ADAMTS19: variants seen among roughly 807,000 people sequenced by gnomAD.
ADAMTS19 encodes ADAM metallopeptidase with thrombospondin type 1 motif 19.
In ADAMTS19, 93 loss-of-function variants were observed where a neutral mutation model predicts 153.3. The observed-to-expected ratio is 0.61, with a 90% CI of 0.51 to 0.72. The LOEUF is 0.72. Among genes scored for constraint, ADAMTS19 ranks in the 30% least tolerant of loss-of-function variants. The probability of loss-of-function intolerance (pLI) is 0.00; values close to 1 mark genes in which losing one functional copy is unlikely to be tolerated. For synonymous variants in ADAMTS19, 600 were observed against 556.6 expected, an observed-to-expected ratio of 1.08 and a Z score of -1.10; for missense variants, 1,482 against 1,552.1, an observed-to-expected ratio of 0.95 and a Z score of 0.76.
At chr5:129,667,851 A>C (rs1484141572) in intron 16 of ADAMTS19, among the ~76,000 whole-genome samples, 1 of 152,228 alleles carries the variant, frequency 6.6e-6, no homozygotes, top group South Asian at 2.1e-4. Context: ...CCAAATAAAA[A>C]ATTTGATTTC....
In ADAMTS19 at chr5:129,641,885, C is replaced by T. The variant is rs1174485380; in HGVS notation, c.1797C>T (p.Cys599=). 2 of 1,601,196 alleles carry T rather than the reference C, an allele frequency of 1.2e-6. No individual in the cohort carries two copies. Among genetic ancestry groups the T allele is most frequent in the Non-Finnish European group, 1.7e-6 (2 of 1,172,384 alleles). The change falls in exon 11 of 23, where the codon TGC becomes TGT. Residue 599 remains cysteine, a synonymous_variant. Transcript: ENST00000274487. Reference sequence around the variant, plus strand: ...ATGTTATTTGCACAGGATTATGGTGCAAGGTAGAAGGTGAGAAAGAATGCA... The same window carrying T: ...ATGTTATTTGCACAGGATTATGGTGTAAGGTAGAAGGTGAGAAAGAATGCA... ...MQHVICTGLW[C]KVEGEKECRT...
chr5:129,463,645 C>G (rs1004959483), intron 2 of ADAMTS19, among the ~76,000 whole-genome samples: 9 of 152,136 alleles, frequency 5.9e-5, no homozygotes, highest in African/African-American at 2.2e-4. Context: ...CAGCCCTGTT[C>G]CCTTATGAGC....
Position 129,460,535 on chromosome 5 carries a change from C to G in ADAMTS19, c.91+53C>G, listed in dbSNP as rs1749612548. 5 of 1,604,526 alleles carry G rather than the reference C, an allele frequency of 3.1e-6. No homozygotes were observed. The Admixed American group carries it at 8.3e-5, about 27-fold the overall frequency. ...CCTTTCCAGCCATCCCAGCGGAGAC[C>G]GCGAACGTACGGGTCGGCAGGGCTG... is the stretch of plus-strand genomic sequence containing the variant. On this transcript the variant is annotated intron_variant, in intron 1 of 22. Coordinates refer to ENST00000274487, the MANE Select transcript of ADAMTS19 (RefSeq NM_133638.6).
intron 6 of ADAMTS19, among the ~76,000 whole-genome samples, chr5:129,533,683 T>A (rs1752298730): frequency 6.6e-6 from 1 of 152,172 alleles, no homozygotes; most frequent in East Asian, 1.9e-4. Flanking sequence ...TTAATTGTGA[T>A]GTTAGGGTGT....
chr5:129,496,577 A>G (rs745363792), intron 2 of ADAMTS19, among the ~76,000 whole-genome samples: 1 of 151,906 alleles, frequency 6.6e-6, no homozygotes, highest in South Asian at 2.1e-4. Context: ...GGTTGGCAAC[A>G]TCTCTGTCAA....
intron 16 of ADAMTS19, among the ~76,000 whole-genome samples, chr5:129,675,090 A>G (rs961137146): frequency 6.6e-6 from 1 of 151,984 alleles, no homozygotes; most frequent in Non-Finnish European, 1.5e-5. Context: ...TCTGGCTTGT[A>G]TTAGTTCTGA....
intron 7 of ADAMTS19, among the ~76,000 whole-genome samples, chr5:129,553,430 A>G (rs1753202617): frequency 6.6e-6 from 1 of 152,200 alleles, no homozygotes; most frequent in African/African-American, 2.4e-5. Flanking sequence ...CTAATTTAAA[A>G]CACATTTGAA....
intron 8 of ADAMTS19, among the ~76,000 whole-genome samples, chr5:129,618,674 A>G (rs1017602011): frequency 4.6e-5 from 7 of 151,956 alleles, no homozygotes; most frequent in African/African-American, 1.7e-4. Context: ...TTTTAATTTC[A>G]TGTTTTAAAA....
chr5:129,512,564 T>G (rs754899599), intron 3 of ADAMTS19, among the ~76,000 whole-genome samples: 60 of 152,050 alleles, frequency 3.9e-4, no homozygotes, highest in Non-Finnish European at 4.6e-4. Context: ...AATGGATAAC[T>G]TATATGGCAG....
chr5:129,585,428 C>T (rs1346286075), intron 7 of ADAMTS19, among the ~76,000 whole-genome samples: 1 of 151,984 alleles, frequency 6.6e-6, no homozygotes, highest in African/African-American at 2.4e-5. Flanking sequence ...TTAGGCTACA[C>T]ATTTTTAATG....
chr5:129,647,656 G>A, intron 11 of ADAMTS19, 109 bp from the exon 12 acceptor site: 1 of 1,297,120 alleles, frequency 7.7e-7, no homozygotes, highest in Non-Finnish European at 1.1e-6. Context: ...CCCCATGTTT[G>A]TGGCTCTAGT....
intron 10 of ADAMTS19, among the ~76,000 whole-genome samples, chr5:129,634,584 A>G (rs1427754054): frequency 1.3e-5 from 2 of 152,278 alleles, no homozygotes; most frequent in Admixed American, 6.5e-5. Context: ...AAACAGACAC[A>G]TAGACCAATG....
At position 129,563,337 on chromosome 5, in the gene ADAMTS19, T is replaced by C. The variant is rs368774054; in HGVS notation, c.1372+11430T>C. Among the ~76,000 whole-genome samples the C allele has an allele frequency of 9.8e-5, 15 of 152,324 alleles. No homozygotes were observed. In the East Asian group the frequency reaches 1.7e-3, roughly 18 times the overall value. ...TATGATAGAATTATATTGTTTGTAC[T>C]GAAAAGCCTTATTAGTTTAATATAT... On this transcript the variant is annotated intron_variant, in intron 7 of 22. Coordinates refer to ENST00000274487, the MANE Select transcript of ADAMTS19 (RefSeq NM_133638.6).
intron 8 of ADAMTS19, among the ~76,000 whole-genome samples, chr5:129,599,492 T>C (rs1026586543): frequency 1.3e-5 from 2 of 152,312 alleles, no homozygotes; most frequent in South Asian, 4.1e-4. Flanking sequence ...GTACCCTGAA[T>C]AGTTTACTTT....
intron 13 of ADAMTS19, among the ~76,000 whole-genome samples, chr5:129,652,580 G>A (rs748616635): frequency 1.3e-5 from 2 of 152,196 alleles, no homozygotes; most frequent in Non-Finnish European, 2.9e-5. Flanking sequence ...TCACTACAGT[G>A]TCACAGCCTT....
At chr5:129,614,267 A>T (rs1311550806) in intron 8 of ADAMTS19, among the ~76,000 whole-genome samples, 1 of 152,218 alleles carries the variant, frequency 6.6e-6, no homozygotes, top group Non-Finnish European at 1.5e-5. Flanking sequence ...CCTGATGAAC[A>T]TCAGAGCAAA....
chr5:129,528,469 T>C (rs2126768139), intron 5 of ADAMTS19, 51 bp from the exon 6 acceptor site: 1 of 1,390,422 alleles, frequency 7.2e-7, no homozygotes, highest in East Asian at 2.7e-5. Flanking sequence ...GTTGTTGTTT[T>C]GTATATACCT....
At chr5:129,557,939 G>A (rs1581082698) in intron 7 of ADAMTS19, among the ~76,000 whole-genome samples, 1 of 151,698 alleles carries the variant, frequency 6.6e-6, no homozygotes, top group Non-Finnish European at 1.5e-5. Context: ...AAATGCAAGA[G>A]TAGTTTAACA....
At chr5:129,485,906 T>C (rs1750574797) in intron 2 of ADAMTS19, among the ~76,000 whole-genome samples, 1 of 152,074 alleles carries the variant, frequency 6.6e-6, no homozygotes, top group South Asian at 2.1e-4. Context: ...TTCTCCTGCC[T>C]CTGCCTCCTG....
Sources: gnomAD v4.1 joint callset for allele counts (sites outside exome capture counted in the v4.1 genomes callset) on GRCh38, gnomAD v4.1.1 for gene constraint, MANE v1.5 for transcripts, NCBI Gene and HGNC (gene_info 2026-07-23, HGNC 2026-07-21) for gene names.